SLFN12L: variants seen among roughly 807,000 people sequenced by gnomAD.
The protein encoded by SLFN12L is schlafen family member 12-like.
Under a neutral mutation model 34.8 loss-of-function variants are expected in SLFN12L, and 34 were observed. The observed-to-expected ratio is 0.98, with a 90% CI of 0.74 to 1.30. SLFN12L has a LOEUF of 1.30. SLFN12L is among the 50% of genes most tolerant of loss of function. The pLI, the probability that SLFN12L is intolerant of heterozygous loss-of-function variation, is 0.00. For missense variants in SLFN12L, 703 were observed against 696.2 expected (o/e 1.01, Z -0.11); for synonymous variants, 259 against 247.5 (o/e 1.05, Z -0.44).
At chr17:35,535,987 GTTT>G (rs2072458339) in intron 1 of SLFN12L, among the ~76,000 whole-genome samples, 1 of 151,464 alleles carries the variant, frequency 6.6e-6, no homozygotes, top group African/African-American at 2.4e-5. Context: ...TTGTTTGTTT[GTTT>G]GTTTGTTTTG....
intron 2 of SLFN12L, among the ~76,000 whole-genome samples, chr17:35,515,420 T>C (rs1415891476): frequency 6.6e-6 from 1 of 152,200 alleles, no homozygotes; most frequent in Non-Finnish European, 1.5e-5. Flanking sequence ...ATTTTCTCTA[T>C]GCCTGGAGAG....
chr17:35,484,832 G>C (rs151235936), intron 2 of SLFN12L, among the ~76,000 whole-genome samples: 2 of 152,082 alleles, frequency 1.3e-5, no homozygotes, highest in African/African-American at 2.4e-5. Flanking sequence ...AAATTTACTC[G>C]GGTAGAATTT....
chr17:35,478,271 C>T (rs1450237691), intron 3 of SLFN12L, 86 bp from the exon 4 acceptor site: 13 of 801,008 alleles, frequency 1.6e-5, no homozygotes, highest in South Asian at 6.3e-5. Flanking sequence ...GTATACCAAA[C>T]GTCTACTTAG....
chr17:35,537,251 T>C (rs2072471306), intron 1 of SLFN12L, among the ~76,000 whole-genome samples: 1 of 152,198 alleles, frequency 6.6e-6, no homozygotes, highest in South Asian at 2.1e-4. Flanking sequence ...TGAAGGTTTG[T>C]TCCCCAGAAC....
In SLFN12L at chr17:35,475,378, T is replaced by C; in HGVS notation, c.1384A>G (p.Lys462Glu). Residue 462 changes from lysine (K) to glutamate (E), a missense_variant, in exon 5 of 5, where the codon AAG becomes GAG. Transcript: ENST00000628453. ...LICEEMGSVN[K>E]GSLIFSRSWS... ...CTCCTAGAGAAGATCAGTGAGCCCT[T>C]ATTGACAGAGCCCATTTCTTCACAT... The C allele has an allele frequency of 6.2e-7, 1 of 1,614,224 alleles. No individual in the cohort carries two copies. The highest frequency in any genetic ancestry group is 1.6e-4 in the Middle Eastern group (1 of 6,062).
At position 35,479,314 on chromosome 17, in the gene SLFN12L, C is replaced by T; in HGVS notation, c.968G>A (p.Gly323Glu). Reference sequence around the variant, plus strand: ...GAATTTGCATAAGTAATTTATCGTCCCCTTCTCCACACAGAAGTGATGCAC... The same window carrying T: ...GAATTTGCATAAGTAATTTATCGTCTCCTTCTCCACACAGAAGTGATGCAC... ...LPVHHFCVEKGTINYLCKFLG... is the reference protein window; with the variant it reads ...LPVHHFCVEKETINYLCKFLG... Residue 323 changes from glycine to glutamate, a missense_variant, in exon 3 of 5, where the codon GGG (glycine) becomes GAG (glutamate). Transcript: ENST00000628453. 6.3e-7 allele frequency: 1 copy of T among 1,585,128 alleles called. No homozygotes were observed. The highest frequency in any genetic ancestry group is 8.6e-7 in the Non-Finnish European group (1 of 1,164,114).
At chr17:35,512,673 TTTAAC>T (rs929167927) in intron 2 of SLFN12L, among the ~76,000 whole-genome samples, 1 of 152,214 alleles carries the variant, frequency 6.6e-6, no homozygotes, top group Non-Finnish European at 1.5e-5. Flanking sequence ...GCCTTTTTTC[TTTAAC>T]TTAACACTGC....
chr17:35,492,914 G>A (rs912386273), intron 2 of SLFN12L, among the ~76,000 whole-genome samples: 4 of 151,728 alleles, frequency 2.6e-5, no homozygotes, highest in Non-Finnish European at 5.9e-5. Context: ...CACATAGTAG[G>A]CACTCAACTC....
intron 1 of SLFN12L, among the ~76,000 whole-genome samples, chr17:35,530,991 T>C (rs1241762155): frequency 3.3e-5 from 5 of 152,068 alleles, no homozygotes; most frequent in East Asian, 1.9e-4. Context: ...GGCTTAAACA[T>C]ATGTGAAGAA....
rs56241654 is a variant in SLFN12L, at chr17:35,522,683, C to T, written c.-319G>A. Reference sequence around the variant, plus strand: ...AGGACCTTGGCCCTGACACACACCTCCCCAGTGTAGCCCCCCATGTTCACC... The same window carrying T: ...AGGACCTTGGCCCTGACACACACCTTCCCAGTGTAGCCCCCCATGTTCACC... On this transcript the variant is annotated 5_prime_UTR_variant, in exon 2 of 5. Coordinates refer to ENST00000628453, the MANE Select transcript of SLFN12L (RefSeq NM_001363830.2). 0.028 allele frequency: 44,897 copies of T among 1,613,414 alleles called. 700 individuals are homozygous for T. The highest frequency in any genetic ancestry group is 0.039 in the African/African-American group (2,958 of 75,004).
chr17:35,519,757 T>C (rs1291424460), intron 2 of SLFN12L, among the ~76,000 whole-genome samples: 1 of 152,188 alleles, frequency 6.6e-6, no homozygotes, highest in Non-Finnish European at 1.5e-5. Flanking sequence ...TATGATATGA[T>C]GACAATTACA....
intron 2 of SLFN12L, among the ~76,000 whole-genome samples, chr17:35,493,568 T>A (rs1914926719): frequency 6.6e-6 from 1 of 152,242 alleles, no homozygotes; most frequent in African/African-American, 2.4e-5. Context: ...TAAGATTTTT[T>A]CCAGTTACTG....
intron 2 of SLFN12L, chr17:35,490,664 T>A: frequency 4.0e-6 from 4 of 997,846 alleles, no homozygotes; most frequent in Non-Finnish European, 6.4e-6. Flanking sequence ...AGCTGCACGC[T>A]GGACCTCAAA....
chr17:35,491,610 A>T (rs1914841501), intron 2 of SLFN12L, among the ~76,000 whole-genome samples: 1 of 152,184 alleles, frequency 6.6e-6, no homozygotes, highest in African/African-American at 2.4e-5. Context: ...GGGTCTGGCC[A>T]CCTGGCCTGC....
intron 1 of SLFN12L, among the ~76,000 whole-genome samples, chr17:35,533,111 A>T (rs1385959498): frequency 6.6e-6 from 1 of 152,166 alleles, no homozygotes; most frequent in Non-Finnish European, 1.5e-5. Context: ...AATAAACAGA[A>T]TTTTATATTC....
intron 2 of SLFN12L, among the ~76,000 whole-genome samples, chr17:35,487,051 C>T (rs982108337): frequency 6.6e-6 from 1 of 152,234 alleles, no homozygotes; most frequent in Non-Finnish European, 1.5e-5. Context: ...ATCTAGGGCG[C>T]AGTTCGTCAG....
At chr17:35,475,588 A>G (rs1597826921) in intron 4 of SLFN12L, 103 bp from the exon 5 acceptor site, 1 of 1,440,892 alleles carries the variant, frequency 6.9e-7, no homozygotes, top group Non-Finnish European at 9.1e-7. Flanking sequence ...ACCAAAAGCA[A>G]CTATAAAAGC....
At chr17:35,533,911 T>C (rs759095178) in intron 1 of SLFN12L, among the ~76,000 whole-genome samples, 9 of 151,816 alleles carry the variant, frequency 5.9e-5, no homozygotes, top group Non-Finnish European at 1.2e-4. Context: ...TGAAACCTCA[T>C]CTCTACTAAA....
chr17:35,490,132 C>T (rs1390803400), intron 2 of SLFN12L: 5 of 1,606,478 alleles, frequency 3.1e-6, no homozygotes, highest in African/African-American at 1.3e-5. Flanking sequence ...GCAACCTCCT[C>T]TACACCACGC....
Sources: gnomAD v4.1 joint callset for allele counts (sites outside exome capture counted in the v4.1 genomes callset) on GRCh38, gnomAD v4.1.1 for gene constraint, MANE v1.5 for transcripts, NCBI Gene and HGNC (gene_info 2026-07-23, HGNC 2026-07-21) for gene names.